PDE11A: variants seen among roughly 807,000 people sequenced by gnomAD.
The protein encoded by PDE11A is phosphodiesterase 11A, also known as dual 3',5'-cyclic-AMP and -GMP phosphodiesterase 11A.
A neutral mutation model predicts 100.5 loss-of-function variants in PDE11A; 100 were observed. That is an observed-to-expected ratio of 1.00 (90% CI 0.85 to 1.18). The LOEUF is 1.18. Among genes scored for constraint, PDE11A ranks in the 50% most tolerant of loss-of-function variants. The pLI is 0.00. For missense variants in PDE11A, 1,141 were observed against 1,152.6 expected, an observed-to-expected ratio of 0.99 and a Z score of 0.15; for synonymous variants, 381 against 420.8, an observed-to-expected ratio of 0.91 and a Z score of 1.16.
chr2:177,955,220 T>G (rs745714418), intron 2 of PDE11A, among the ~76,000 whole-genome samples: 1 of 152,174 alleles, frequency 6.6e-6, no homozygotes, highest in Non-Finnish European at 1.5e-5. Context: ...AGCATGGTGG[T>G]ATTTATGGTT....
intron 2 of PDE11A, among the ~76,000 whole-genome samples, chr2:177,945,809 G>GCC (rs2085412156): frequency 7.1e-6 from 1 of 140,428 alleles, no homozygotes. Flanking sequence ...GGCCAGCCGT[G>GCC]CCATCCGGGA....
chr2:177,882,790 G>A (rs1041168776), intron 4 of PDE11A, among the ~76,000 whole-genome samples: 6 of 152,136 alleles, frequency 3.9e-5, no homozygotes, highest in South Asian at 2.1e-4. Flanking sequence ...TATTTATCAA[G>A]TGCTAGTTGG....
intron 1 of PDE11A, chr2:178,018,506 T>G (rs956357374): frequency 8.4e-6 from 4 of 476,950 alleles, no homozygotes; most frequent in Non-Finnish European, 1.6e-5. Flanking sequence ...TCTTAACACC[T>G]TAAAAAGTAC....
At chr2:177,652,457 A>G (rs2080325119) in intron 19 of PDE11A, among the ~76,000 whole-genome samples, 1 of 152,114 alleles carries the variant, frequency 6.6e-6, no homozygotes, top group Non-Finnish European at 1.5e-5. Flanking sequence ...CAAAGGAAGG[A>G]GAGAGAGGAG....
intron 7 of PDE11A, 101 bp from the exon 8 acceptor site, chr2:177,818,026 G>T (rs2083072385): frequency 2.8e-6 from 2 of 715,714 alleles, no homozygotes; most frequent in African/African-American, 1.8e-5. Context: ...TTAAGGAACT[G>T]CACTCAGTTT....
intron 18 of PDE11A, among the ~76,000 whole-genome samples, chr2:177,668,428 A>T (rs1407246039): frequency 6.6e-6 from 1 of 152,198 alleles, no homozygotes; most frequent in Admixed American, 6.5e-5. Context: ...ACCAAATTTG[A>T]TGACACCACC....
rs939178672 is a variant in PDE11A at position 178,102,434 on chromosome 2, T to G, written c.162+1868A>C. Among the ~76,000 whole-genome samples the G allele has an allele frequency of 7.6e-5, 11 of 144,634 alleles. No individual in the cohort carries two copies. The South Asian group carries it at 1.8e-3, about 24-fold the overall frequency. 94.9% of individuals were successfully genotyped at this position (144,634 alleles called of 152,430 possible). A position where few individuals can be genotyped will look rare whatever the true frequency, so the allele number is the denominator to read the frequency against. The stretch of plus-strand genomic sequence containing the variant: ...GCCACCATGCCTGGTCTAAGTTTTT[T>G]TTTTTTTTTTTTTTTTTTTTTTAGA... On this transcript the variant is annotated intron_variant, in intron 2 of 20. Transcript: ENST00000358450.
At chr2:177,718,446 G>A (rs938736200) in intron 12 of PDE11A, among the ~76,000 whole-genome samples, 2 of 152,120 alleles carry the variant, frequency 1.3e-5, no homozygotes, top group Non-Finnish European at 2.9e-5. Context: ...AGAATCCCTT[G>A]GTGTGTGCTT....
At chr2:177,995,225 A>G (rs1175413513) in intron 2 of PDE11A, among the ~76,000 whole-genome samples, 1 of 152,064 alleles carries the variant, frequency 6.6e-6, no homozygotes, top group Non-Finnish European at 1.5e-5. Context: ...TCAAATGGCA[A>G]TTTTATATTC....
chr2:178,016,065 A>G (rs1479710226), intron 1 of PDE11A, among the ~76,000 whole-genome samples: 2 of 151,278 alleles, frequency 1.3e-5, no homozygotes, highest in Non-Finnish European at 2.9e-5. Flanking sequence ...CCCGGGTTCA[A>G]GCGATTCTCC....
Position 177,762,380 on chromosome 2 carries a change from G to A in PDE11A, c.1788+6943C>T, listed in dbSNP as rs142235839. 1.1e-4 allele frequency among the ~76,000 whole-genome samples: 16 copies of A among 152,252 alleles called. No homozygotes were observed. In the East Asian group the frequency reaches 2.9e-3, roughly 28 times the overall value. ...TGGCGTCACAGCTAGAGTTATCAATGGATCTAATTAGAGGAAAACTAAAAA... is the reference window on the plus strand; with the variant it reads ...TGGCGTCACAGCTAGAGTTATCAATAGATCTAATTAGAGGAAAACTAAAAA... On this transcript the variant is annotated intron_variant, in intron 10 of 19. Transcript: ENST00000286063.
At chr2:177,817,996 C>T in intron 7 of PDE11A, 71 bp from the exon 8 acceptor site, 1 of 793,276 alleles carries the variant, frequency 1.3e-6, no homozygotes, top group South Asian at 1.4e-5. Flanking sequence ...AGAGTAGCCA[C>T]AGCTAACTCT....
chr2:177,951,246 T>A (rs1852503), intron 2 of PDE11A, among the ~76,000 whole-genome samples: 109,698 of 152,116 alleles, frequency 0.72, 40,137 homozygotes, highest in East Asian at 0.79. Flanking sequence ...CTAACTGAAC[T>A]ACTAATTTCA....
At chr2:177,698,948 T>C (rs2081157844) in intron 14 of PDE11A, among the ~76,000 whole-genome samples, 1 of 152,146 alleles carries the variant, frequency 6.6e-6, no homozygotes, top group East Asian at 1.9e-4. Context: ...GCACCCAGAA[T>C]CTCCCAAAGA....
chr2:178,032,567 C>T (rs1448125983), intron 1 of PDE11A, among the ~76,000 whole-genome samples: 2 of 152,126 alleles, frequency 1.3e-5, no homozygotes, highest in African/African-American at 4.8e-5. Flanking sequence ...AGAATGCCTC[C>T]TCAAGTGGGT....
chr2:177,913,658 C>T (rs529653938), intron 2 of PDE11A, among the ~76,000 whole-genome samples: 9 of 152,006 alleles, frequency 5.9e-5, no homozygotes, highest in Middle Eastern at 3.4e-3. Flanking sequence ...ATGTTATTTT[C>T]GATACCTTCT....
chr2:177,679,581 T>C (rs1006702962), intron 16 of PDE11A, among the ~76,000 whole-genome samples: 3 of 152,102 alleles, frequency 2.0e-5, no homozygotes, highest in African/African-American at 7.2e-5. Context: ...AGAAAATATA[T>C]ATTCATATAA....
intron 2 of PDE11A, among the ~76,000 whole-genome samples, chr2:178,098,170 T>A (rs1001295052): frequency 7.9e-5 from 12 of 152,192 alleles, no homozygotes; most frequent in Non-Finnish European, 1.8e-4. Flanking sequence ...TTAAAATGTC[T>A]CCCAATCATT....
chr2:177,873,621 G>A (rs543154839), intron 5 of PDE11A, among the ~76,000 whole-genome samples: 1 of 152,168 alleles, frequency 6.6e-6, no homozygotes, highest in Admixed American at 6.5e-5. Context: ...ACCACTGCAA[G>A]CAAGACACAG....
Sources: allele counts gnomAD v4.1 joint callset (sites outside exome capture counted in the v4.1 genomes callset), GRCh38; gene constraint gnomAD v4.1.1; transcripts MANE v1.5; gene names NCBI Gene and HGNC (gene_info 2026-07-23, HGNC 2026-07-21).